The following LHFPL2 variants were observed in gnomAD, a reference collection of about 807,000 sequenced individuals.
LHFPL2 encodes the protein LHFPL tetraspan subfamily member 2 protein.
LHFPL2 carries 7 observed loss-of-function variants against 17.5 expected under a neutral mutation model. The observed-to-expected ratio is 0.40, with a 90% CI of 0.23 to 0.75. LHFPL2 has a LOEUF of 0.75. Among genes scored for constraint, LHFPL2 ranks in the 30% least tolerant of loss-of-function variants. The pLI, the probability that LHFPL2 is intolerant of heterozygous loss-of-function variation, is 0.37. For synonymous variants in LHFPL2, 134 were observed against 116.2 expected (o/e 1.15, Z -0.99); for missense variants, 241 against 294.8 (o/e 0.82, Z 1.34).
intron 3 of LHFPL2, among the ~76,000 whole-genome samples, chr5:78,511,288 T>C (rs778690712): frequency 2.0e-4 from 31 of 152,250 alleles, no homozygotes; most frequent in Non-Finnish European, 3.2e-4. Flanking sequence ...TAAGCTTCGA[T>C]TCACCCCAGG....
In LHFPL2 at chr5:78,604,865, C is replaced by G. The variant is rs1436937893; in HGVS notation, c.-245+27399G>C. Among the ~76,000 whole-genome samples the G allele has an allele frequency of 2.0e-5, 3 of 152,184 alleles. No homozygotes were observed. In the East Asian group the frequency reaches 5.8e-4, roughly 29 times the overall value. ...TTATTCTATTCCCTGCATTTATGAACTCTCTAAATCCCTTCTACTTAAACC... is the reference window on the plus strand; with the variant it reads ...TTATTCTATTCCCTGCATTTATGAAGTCTCTAAATCCCTTCTACTTAAACC... On this transcript the variant is annotated intron_variant, in intron 2 of 4. Transcript: ENST00000380345.
intron 3 of LHFPL2, chr5:78,548,941 T>C (rs1756362788): frequency 6.6e-6 from 1 of 152,234 alleles, no homozygotes; most frequent in African/African-American, 2.4e-5. Flanking sequence ...TCAGCATTTC[T>C]ATTGGGTGAT....
intron 2 of LHFPL2, among the ~76,000 whole-genome samples, chr5:78,572,519 C>T (rs28527430): frequency 3.0e-4 from 18 of 60,036 alleles, no homozygotes; most frequent in African/African-American, 8.4e-4. Context: ...TATACACACA[C>T]ATATATATAT....
At chr5:78,515,883 A>G (rs1445950415) in intron 3 of LHFPL2, among the ~76,000 whole-genome samples, 1 of 152,220 alleles carries the variant, frequency 6.6e-6, no homozygotes, top group Non-Finnish European at 1.5e-5. Context: ...GGACAGACCC[A>G]GCAGCCAGAC....
At chr5:78,492,876 C>T (rs528703542) in intron 4 of LHFPL2, among the ~76,000 whole-genome samples, 3 of 152,274 alleles carry the variant, frequency 2.0e-5, no homozygotes, top group East Asian at 1.9e-4. Context: ...AGCACAAGAG[C>T]GCCTTAACCC....
intron 3 of LHFPL2, among the ~76,000 whole-genome samples, chr5:78,544,852 C>A (rs1440823598): frequency 6.6e-6 from 1 of 152,150 alleles, no homozygotes; most frequent in Admixed American, 6.5e-5. Context: ...CCATTTTAGT[C>A]TGCTTTTCAG....
At chr5:78,507,691 T>A (rs1754972517) in intron 4 of LHFPL2, among the ~76,000 whole-genome samples, 1 of 152,078 alleles carries the variant, frequency 6.6e-6, no homozygotes, top group South Asian at 2.1e-4. Context: ...CACTCCTACA[T>A]GACAAACCAG....
At chr5:78,600,019 G>A (rs1212218634) in intron 2 of LHFPL2, among the ~76,000 whole-genome samples, 2 of 152,028 alleles carry the variant, frequency 1.3e-5, no homozygotes, top group Non-Finnish European at 2.9e-5. Context: ...GATTAATAAT[G>A]AACATGCAAT....
intron 3 of LHFPL2, among the ~76,000 whole-genome samples, chr5:78,531,635 A>G (rs1476750054): frequency 6.6e-6 from 1 of 152,138 alleles, no homozygotes; most frequent in Non-Finnish European, 1.5e-5. Context: ...CCTGGCCCTG[A>G]ATAAAACCCT....
intron 3 of LHFPL2, among the ~76,000 whole-genome samples, chr5:78,549,891 G>A (rs1756391317): frequency 6.6e-6 from 1 of 152,190 alleles, no homozygotes; most frequent in Admixed American, 6.5e-5. Context: ...CAGCTCTCCA[G>A]TAATTAGACA....
chr5:78,502,453 T>C (rs1218063665), intron 4 of LHFPL2, among the ~76,000 whole-genome samples: 1 of 152,210 alleles, frequency 6.6e-6, no homozygotes, highest in Non-Finnish European at 1.5e-5. Context: ...AGCCAGATGA[T>C]TCCTTCCCAT....
intron 2 of LHFPL2, among the ~76,000 whole-genome samples, chr5:78,594,751 A>C (rs1305320882): frequency 6.6e-6 from 1 of 152,252 alleles, no homozygotes; most frequent in Non-Finnish European, 1.5e-5. Flanking sequence ...AACACAGTGC[A>C]AAAGTTGAAG....
At chr5:78,596,998 A>G (rs545461004) in intron 2 of LHFPL2, among the ~76,000 whole-genome samples, 2 of 152,364 alleles carry the variant, frequency 1.3e-5, no homozygotes, top group South Asian at 2.1e-4. Context: ...CTGCAAAGTA[A>G]TATTTAACAC....
intron 2 of LHFPL2, among the ~76,000 whole-genome samples, chr5:78,584,307 T>C (rs1743279775): frequency 6.6e-6 from 1 of 152,256 alleles, no homozygotes; most frequent in Non-Finnish European, 1.5e-5. Context: ...TCCATCCAGC[T>C]TTGTTCCGTT....
intron 4 of LHFPL2, among the ~76,000 whole-genome samples, chr5:78,508,216 G>A (rs1051874669): frequency 6.6e-6 from 1 of 152,072 alleles, no homozygotes; most frequent in African/African-American, 2.4e-5. Flanking sequence ...TTTTCAGAAG[G>A]AGAACACTGA....
intron 2 of LHFPL2, among the ~76,000 whole-genome samples, chr5:78,611,034 GA>G (rs927290503): frequency 1.3e-5 from 2 of 151,298 alleles, no homozygotes; most frequent in Admixed American, 6.6e-5. Context: ...ACTGAGAAGG[GA>G]AAAAAAAAGT....
intron 3 of LHFPL2, among the ~76,000 whole-genome samples, chr5:78,557,596 T>G (rs1756612695): frequency 6.6e-6 from 1 of 152,226 alleles, no homozygotes; most frequent in Non-Finnish European, 1.5e-5. Flanking sequence ...TGAGTCAAAG[T>G]TGCCTTCATT....
At chr5:78,529,222 G>T (rs1755708287) in intron 3 of LHFPL2, among the ~76,000 whole-genome samples, 1 of 152,170 alleles carries the variant, frequency 6.6e-6, no homozygotes, top group South Asian at 2.1e-4. Flanking sequence ...GGGGTTCAAG[G>T]CTGCAGTGAG....
chr5:78,562,655 G>T (rs895418736), intron 3 of LHFPL2, among the ~76,000 whole-genome samples: 13 of 148,032 alleles, frequency 8.8e-5, no homozygotes, highest in Non-Finnish European at 1.6e-4. Flanking sequence ...AAAAAAGAAA[G>T]AAAGCAGGAT....
Sources: allele counts gnomAD v4.1 joint callset (sites outside exome capture counted in the v4.1 genomes callset), GRCh38; gene constraint gnomAD v4.1.1; transcripts MANE v1.5; gene names NCBI Gene and HGNC (gene_info 2026-07-23, HGNC 2026-07-21).